GABPA: variants seen among roughly 807,000 people sequenced by gnomAD.
The protein encoded by GABPA is GA-binding protein alpha chain.
Under a neutral mutation model 59.4 loss-of-function variants are expected in GABPA, and 4 were observed. The observed-to-expected ratio is 0.07, with a 90% confidence interval of 0.03 to 0.15. The LOEUF (loss-of-function observed/expected upper bound fraction) is 0.15. GABPA is among the 10% of genes least tolerant of loss of function. The pLI is 1.00. For missense variants in GABPA, 251 were observed against 543.8 expected (o/e 0.46, Z 5.36); for synonymous variants, 164 against 183.1 (o/e 0.90, Z 0.84).
chr21:25,763,641 A>G (rs2035818427), intron 7 of GABPA, among the ~76,000 whole-genome samples: 1 of 152,156 alleles, frequency 6.6e-6, no homozygotes, highest in South Asian at 2.1e-4. Context: ...TACATTGTAC[A>G]TATTATTTTA....
intron 9 of GABPA, among the ~76,000 whole-genome samples, chr21:25,767,593 G>T (rs1171135292): frequency 6.6e-6 from 1 of 151,646 alleles, no homozygotes; most frequent in Non-Finnish European, 1.5e-5. Context: ...TTTCCTCCTA[G>T]AATTATAAAA....
chr21:25,741,733 C>A, intron 2 of GABPA, 58 bp downstream of exon 2: 1 of 1,087,618 alleles, frequency 9.2e-7, no homozygotes, highest in Non-Finnish European at 1.4e-6. Context: ...TAATTAAAAC[C>A]AGGAAACAAG....
At chr21:25,743,271 A>G (rs1182293292) in intron 2 of GABPA, among the ~76,000 whole-genome samples, 2 of 152,228 alleles carry the variant, frequency 1.3e-5, no homozygotes, top group Non-Finnish European at 1.5e-5. Context: ...AAGAAGTGAC[A>G]TATCACTTTG....
At chr21:25,766,382 T>G (rs2035890423) in intron 9 of GABPA, among the ~76,000 whole-genome samples, 1 of 151,982 alleles carries the variant, frequency 6.6e-6, no homozygotes, top group Non-Finnish European at 1.5e-5. Flanking sequence ...TCAAAAGGAC[T>G]AATTCTAAAG....
At chr21:25,763,213 A>G (rs557263650) in intron 7 of GABPA, 21 of 502,622 alleles carry the variant, frequency 4.2e-5, no homozygotes, top group African/African-American at 4.0e-4. Context: ...AACATCTTTC[A>G]TTAAAACATT....
At chr21:25,760,698 G>A (rs897938168) in intron 6 of GABPA, among the ~76,000 whole-genome samples, 2 of 152,086 alleles carry the variant, frequency 1.3e-5, no homozygotes, top group South Asian at 4.2e-4. Flanking sequence ...TTTTATTCCT[G>A]TAGTGTCTAA....
chr21:25,764,474 T>A, intron 8 of GABPA, 121 bp from the exon 9 acceptor site: 1 of 1,432,014 alleles, frequency 7.0e-7, no homozygotes, highest in Non-Finnish European at 9.5e-7. Context: ...ACAGCATTTC[T>A]AGAAAAACAA....
At chr21:25,759,570 A>G (rs966974028) in intron 6 of GABPA, among the ~76,000 whole-genome samples, 1 of 152,166 alleles carries the variant, frequency 6.6e-6, no homozygotes, top group East Asian at 1.9e-4. Context: ...ATTGTTTATA[A>G]TTTTATTCTT....
At chr21:25,744,918 ATAATG>A (rs1445960935) in intron 2 of GABPA, among the ~76,000 whole-genome samples, 2 of 152,226 alleles carry the variant, frequency 1.3e-5, no homozygotes, top group Non-Finnish European at 2.9e-5. Context: ...AAATGCAAAC[ATAATG>A]TATGTGCAAT....
At chr21:25,741,881 A>C (rs943695811) in intron 2 of GABPA, among the ~76,000 whole-genome samples, 1 of 152,166 alleles carries the variant, frequency 6.6e-6, no homozygotes, top group East Asian at 1.9e-4. Context: ...TAAAAGGGTA[A>C]ATGAAATCAA....
intron 1 of GABPA, among the ~76,000 whole-genome samples, chr21:25,740,213 A>G (rs1250212846): frequency 6.6e-6 from 1 of 152,252 alleles, no homozygotes; most frequent in Non-Finnish European, 1.5e-5. Context: ...GGAGCTCAAA[A>G]TAAGATTGCT....
At chr21:25,741,448 T>G in intron 1 of GABPA, 125 bp from the exon 2 acceptor site, 1 of 431,104 alleles carries the variant, frequency 2.3e-6, no homozygotes, top group Non-Finnish European at 4.2e-6. Flanking sequence ...TTCTTCTATA[T>G]GTAAAGACTA....
rs1019316766 is a variant in GABPA at position 25,772,028 on chromosome 21, C to G, written c.*2796C>G. On this transcript the variant is annotated 3_prime_UTR_variant, in exon 10 of 10. Coordinates refer to ENST00000400075, the MANE Select transcript of GABPA (RefSeq NM_002040.4). ...TATGATACAAAAAGAATTGTACCACCAAATATTTTTGTGAGGTCTGCTGTT... is the reference window on the plus strand; with the variant it reads ...TATGATACAAAAAGAATTGTACCACGAAATATTTTTGTGAGGTCTGCTGTT... 1.3e-5 allele frequency: 2 copies of G among 152,012 alleles called. No individual in the cohort carries two copies. The highest frequency in any genetic ancestry group is 4.8e-5 in the African/African-American group (2 of 41,434). 9.4% of individuals were successfully genotyped at this position (152,012 alleles called of 1,614,324 possible).
At chr21:25,740,657 A>G (rs183872500) in intron 1 of GABPA, among the ~76,000 whole-genome samples, 1 of 152,378 alleles carries the variant, frequency 6.6e-6, no homozygotes, top group Non-Finnish European at 1.5e-5. Context: ...GGGATAATTA[A>G]AAACTGAAGT....
intron 5 of GABPA, among the ~76,000 whole-genome samples, chr21:25,757,157 A>G (rs2035656845): frequency 6.6e-6 from 1 of 152,164 alleles, no homozygotes; most frequent in Non-Finnish European, 1.5e-5. Context: ...TATATAACCA[A>G]TATTATTTGA....
intron 5 of GABPA, among the ~76,000 whole-genome samples, chr21:25,757,538 G>C (rs1252934591): frequency 6.6e-6 from 1 of 152,148 alleles, no homozygotes; most frequent in Non-Finnish European, 1.5e-5. Context: ...GTAAATGCAG[G>C]AGCAGCCAGC....
intron 1 of GABPA, 87 bp from the exon 2 acceptor site, chr21:25,741,486 T>G (rs1601111050): frequency 1.8e-6 from 1 of 561,870 alleles, no homozygotes; most frequent in East Asian, 3.4e-5. Context: ...TGGCGTTTGC[T>G]TTTTATTTGG....
intron 5 of GABPA, 127 bp from the exon 6 acceptor site, chr21:25,757,879 TATAG>T: frequency 3.4e-6 from 1 of 291,920 alleles, no homozygotes; most frequent in Non-Finnish European, 6.5e-6. Context: ...TTTTGCTTCA[TATAG>T]TAAGTTTACC....
chr21:25,767,505 T>A (rs1290501611), intron 9 of GABPA, among the ~76,000 whole-genome samples: 1 of 151,944 alleles, frequency 6.6e-6, no homozygotes, highest in Admixed American at 6.6e-5. Flanking sequence ...AAAAGAAGTA[T>A]TCAGTAAAAT....
Sources: allele counts gnomAD v4.1 joint callset (sites outside exome capture counted in the v4.1 genomes callset), GRCh38; gene constraint gnomAD v4.1.1; transcripts MANE v1.5; gene names NCBI Gene and HGNC (gene_info 2026-07-23, HGNC 2026-07-21).